Variants in MAPKAP1 observed in about 807,000 individuals in gnomAD.
The protein encoded by MAPKAP1 is MAPK associated protein 1, also known as target of rapamycin complex 2 subunit MAPKAP1.
Under a neutral mutation model 65.7 loss-of-function variants are expected in MAPKAP1, and 20 were observed. The ratio of observed to expected loss-of-function variants is 0.30; its 90% CI spans 0.21 to 0.44. MAPKAP1 has a LOEUF of 0.44. Ranked by LOEUF, MAPKAP1 falls within the 20% of genes least tolerant of loss-of-function variation. The pLI, the probability that MAPKAP1 is intolerant of heterozygous loss-of-function variation, is 1.00. For synonymous variants in MAPKAP1, 222 were observed against 244.3 expected (o/e 0.91, Z 0.85); for missense variants, 423 against 648.0 (o/e 0.65, Z 3.77).
intron 6 of MAPKAP1, among the ~76,000 whole-genome samples, chr9:125,550,473 G>A (rs1830554509): frequency 6.6e-6 from 1 of 152,208 alleles, no homozygotes; most frequent in African/African-American, 2.4e-5. Flanking sequence ...TAGATACAAA[G>A]TAAGTTGATG....
intron 4 of MAPKAP1, among the ~76,000 whole-genome samples, chr9:125,640,599 A>C (rs1241425435): frequency 6.6e-6 from 1 of 152,208 alleles, no homozygotes; most frequent in Non-Finnish European, 1.5e-5. Context: ...AATATTCCTC[A>C]ATGTCTCATA....
chr9:125,506,806 T>C (rs971461207), intron 7 of MAPKAP1, among the ~76,000 whole-genome samples: 2 of 152,172 alleles, frequency 1.3e-5, no homozygotes, highest in Non-Finnish European at 2.9e-5. Flanking sequence ...GTAGGAAAAA[T>C]GCTTATTAGA....
chr9:125,480,664 A>G (rs897580956), intron 9 of MAPKAP1, among the ~76,000 whole-genome samples: 7 of 152,300 alleles, frequency 4.6e-5, no homozygotes, highest in East Asian at 3.9e-4. Flanking sequence ...CACTACGATA[A>G]GCTACTGCTT....
rs117153152 is a variant in MAPKAP1 at position 125,570,388 on chromosome 9, A to G, written c.672-10579T>C. Among the ~76,000 whole-genome samples, 753 of 150,496 alleles carry G rather than the reference A, an allele frequency of 5.0e-3. 5 individuals are homozygous for G. Among genetic ancestry groups the G allele is most frequent in the Middle Eastern group, 7.6e-3 (2 of 264 alleles). On this transcript the variant is annotated intron_variant, in intron 5 of 11. Transcript: ENST00000265960. The stretch of plus-strand genomic sequence containing the variant: ...GAAATGCCACTATGGTTCTTACTGT[A>G]TAACTTGCCTGCTTTACAGCTAGGT...
chr9:125,612,610 A>G (rs1446130956), intron 4 of MAPKAP1, among the ~76,000 whole-genome samples: 1 of 152,212 alleles, frequency 6.6e-6, no homozygotes, highest in African/African-American at 2.4e-5. Flanking sequence ...GCCAGCATTC[A>G]TGTACAAATC....
intron 5 of MAPKAP1, among the ~76,000 whole-genome samples, chr9:125,582,454 T>A (rs550441974): frequency 2.0e-5 from 3 of 152,210 alleles, no homozygotes; most frequent in Admixed American, 2.0e-4. Context: ...AACCCTTGCT[T>A]GCTCTCTCCC....
intron 1 of MAPKAP1, among the ~76,000 whole-genome samples, chr9:125,677,943 G>T (rs1371288229): frequency 6.6e-6 from 1 of 151,976 alleles, no homozygotes; most frequent in Non-Finnish European, 1.5e-5. Flanking sequence ...TTGAGACAAG[G>T]TCTCACTCCC....
Position 125,447,872 on chromosome 9 carries a change from G to A in MAPKAP1, c.1346-3274C>T, listed in dbSNP as rs1852778520. Among the ~76,000 whole-genome samples the A allele has an allele frequency of 6.6e-6, 1 of 152,186 alleles. No homozygotes were observed. The highest frequency in any genetic ancestry group is 2.4e-5 in the African/African-American group (1 of 41,448). ...GGTAAAGGTGAGGGTGGAGAAGGGTGAAAAAGAGGAAGATGCCACAGGGCA... is the reference window on the plus strand; with the variant it reads ...GGTAAAGGTGAGGGTGGAGAAGGGTAAAAAAGAGGAAGATGCCACAGGGCA... On this transcript the variant is annotated intron_variant, in intron 10 of 11. Transcript: ENST00000265960. This position sits in a 1 kb window ranked among gnomAD's most constrained non-coding sequence, Gnocchi z 4.5.
intron 8 of MAPKAP1, among the ~76,000 whole-genome samples, chr9:125,500,283 G>A (rs1189293962): frequency 1.3e-5 from 2 of 151,798 alleles, no homozygotes; most frequent in East Asian, 1.9e-4. Flanking sequence ...TGCCTCCCGG[G>A]TTCACGCCAT....
chr9:125,704,606 T>TA, intron 1 of MAPKAP1, among the ~76,000 whole-genome samples: 1 of 152,194 alleles, frequency 6.6e-6, no homozygotes, highest in African/African-American at 2.4e-5. Context: ...CTCGAAGTAT[T>TA]TATTAACTGG....
At chr9:125,503,202 TA>T (rs1829036104) in intron 8 of MAPKAP1, among the ~76,000 whole-genome samples, 1 of 152,232 alleles carries the variant, frequency 6.6e-6, no homozygotes, top group African/African-American at 2.4e-5. Context: ...CTAAAGCCTT[TA>T]GTTCATTTAC....
chr9:125,655,793 A>G (rs1449378051), intron 4 of MAPKAP1, among the ~76,000 whole-genome samples: 1 of 152,246 alleles, frequency 6.6e-6, no homozygotes, highest in Non-Finnish European at 1.5e-5. Flanking sequence ...TAATCAATGC[A>G]TAATGGTGAC....
chr9:125,594,513 G>A (rs1056757207), intron 4 of MAPKAP1, among the ~76,000 whole-genome samples: 2 of 152,176 alleles, frequency 1.3e-5, no homozygotes, highest in African/African-American at 4.8e-5. Context: ...CAAATAAGAT[G>A]TATCTAAAAT....
chr9:125,491,657 G>A (rs1854733410), intron 8 of MAPKAP1, among the ~76,000 whole-genome samples: 1 of 151,100 alleles, frequency 6.6e-6, no homozygotes, highest in Non-Finnish European at 1.5e-5. Context: ...GGTGTGCTCC[G>A]ATAGGCCCAG....
In MAPKAP1 at chr9:125,482,105, C is replaced by T. The variant is rs1025110203; in HGVS notation, c.1207+2338G>A. Among the ~76,000 whole-genome samples the T allele has an allele frequency of 3.7e-4, 52 of 140,510 alleles. 1 individual carries two copies. The highest frequency in any genetic ancestry group is 3.2e-3 in the Admixed American group (42 of 13,258). The allele number at this position is 140,510 out of a possible 152,430, so 92.2% of individuals were successfully genotyped here. ...CGAGATCAAGTCATTGCACTCCAGC[C>T]TGGGCAACAAAAGCAAAACTCTGTC... On this transcript the variant is annotated intron_variant, in intron 9 of 11. Coordinates refer to ENST00000265960, the MANE Select transcript of MAPKAP1 (RefSeq NM_001006617.3).
At chr9:125,644,835 C>T (rs1056357582) in intron 4 of MAPKAP1, among the ~76,000 whole-genome samples, 2 of 152,116 alleles carry the variant, frequency 1.3e-5, no homozygotes, top group African/African-American at 4.8e-5. Context: ...AGATAATATC[C>T]ATTTCTAGTT....
At chr9:125,651,039 T>A (rs903829755) in intron 4 of MAPKAP1, among the ~76,000 whole-genome samples, 6 of 152,168 alleles carry the variant, frequency 3.9e-5, no homozygotes, top group African/African-American at 1.4e-4. Flanking sequence ...CAATCACAGC[T>A]CACTGCAGCC....
chr9:125,481,627 G>A (rs1483158772), intron 9 of MAPKAP1, among the ~76,000 whole-genome samples: 6 of 151,828 alleles, frequency 4.0e-5, no homozygotes, highest in Non-Finnish European at 8.8e-5. Context: ...TCACCATGTC[G>A]CCCAGGCTGG....
intron 5 of MAPKAP1, among the ~76,000 whole-genome samples, chr9:125,581,464 T>A (rs1831623179): frequency 6.6e-6 from 1 of 152,254 alleles, no homozygotes; most frequent in Non-Finnish European, 1.5e-5. Flanking sequence ...CATGTGCTCA[T>A]CTGCCATCTG....
Sources: gnomAD v4.1 joint callset for allele counts (sites outside exome capture counted in the v4.1 genomes callset) on GRCh38, gnomAD v4.1.1 for gene constraint, Gnocchi (gnomAD v3.1) non-coding constraint, MANE v1.5 for transcripts, NCBI Gene and HGNC (gene_info 2026-07-23, HGNC 2026-07-21) for gene names.